The following SMYD3 variants were observed in gnomAD, a reference collection of about 807,000 sequenced individuals.
The protein encoded by SMYD3 is SET and MYND domain containing 3, also known as histone-lysine N-methyltransferase SMYD3.
SMYD3 carries 36 observed loss-of-function variants against 57.7 expected under a neutral mutation model. That is an observed-to-expected ratio of 0.62 (90% CI 0.48 to 0.82). The LOEUF is 0.82. Ranked by LOEUF, SMYD3 falls within the 40% of genes least tolerant of loss-of-function variation. The pLI is 0.00. For synonymous variants in SMYD3, 211 were observed against 195.0 expected (o/e 1.08, Z -0.68); for missense variants, 515 against 538.8 (o/e 0.96, Z 0.44).
intron 1 of SMYD3, among the ~76,000 whole-genome samples, chr1:246,440,635 T>C (rs574622485): frequency 6.6e-6 from 1 of 152,250 alleles, no homozygotes; most frequent in South Asian, 2.1e-4. Context: ...GCATAAAAAC[T>C]ACGTTAAAAT....
chr1:245,791,606 G>C (rs569724450), intron 10 of SMYD3, among the ~76,000 whole-genome samples: 3 of 141,212 alleles, frequency 2.1e-5, no homozygotes, highest in East Asian at 4.6e-4. Flanking sequence ...GGGAGAGGAC[G>C]GGAGAAAGAG....
At chr1:245,960,329 T>C (rs899988868) in intron 5 of SMYD3, among the ~76,000 whole-genome samples, 10 of 152,236 alleles carry the variant, frequency 6.6e-5, no homozygotes, top group African/African-American at 2.2e-4. Flanking sequence ...CACATGGCTT[T>C]GTTATCATTG....
intron 5 of SMYD3, among the ~76,000 whole-genome samples, chr1:246,020,549 G>T (rs1483912353): frequency 1.3e-5 from 2 of 152,180 alleles, no homozygotes; most frequent in Non-Finnish European, 2.9e-5. Flanking sequence ...AAGAAAGGAG[G>T]CTGTTAGAAT....
intron 5 of SMYD3, among the ~76,000 whole-genome samples, chr1:246,053,293 A>G (rs752951425): frequency 3.3e-5 from 5 of 152,180 alleles, no homozygotes; most frequent in Admixed American, 6.5e-5. Flanking sequence ...CACCATTTCA[A>G]TCAAAATAGC....
intron 10 of SMYD3, among the ~76,000 whole-genome samples, chr1:245,849,661 A>G (rs797001207): frequency 6.6e-5 from 10 of 151,226 alleles, no homozygotes; most frequent in Non-Finnish European, 1.5e-4. Context: ...TATATTATTT[A>G]TTTTATTTTG....
intron 5 of SMYD3, among the ~76,000 whole-genome samples, chr1:245,986,437 T>G (rs1483808060): frequency 6.6e-6 from 1 of 152,366 alleles, no homozygotes; most frequent in South Asian, 2.1e-4. Context: ...TGTATGCAAC[T>G]GTGCTGTTAT....
intron 10 of SMYD3, among the ~76,000 whole-genome samples, chr1:245,828,709 A>ATTG (rs1553336124): frequency 1.4e-5 from 2 of 147,050 alleles, no homozygotes; most frequent in African/African-American, 5.0e-5. Context: ...AGTTTTTCTG[A>ATTG]TTTTTTTTTT....
intron 5 of SMYD3, among the ~76,000 whole-genome samples, chr1:246,018,762 T>A (rs926765956): frequency 6.8e-6 from 1 of 147,806 alleles, no homozygotes. Context: ...TGCACCACCA[T>A]GCTGGCTTTT....
chr1:246,363,246 G>A (rs1207249845), intron 1 of SMYD3, among the ~76,000 whole-genome samples: 1 of 151,626 alleles, frequency 6.6e-6, no homozygotes, highest in South Asian at 2.1e-4. Flanking sequence ...GTCCGGGAGG[G>A]AGGTGGGGGT....
At chr1:245,996,391 A>G (rs935724050) in intron 5 of SMYD3, among the ~76,000 whole-genome samples, 2 of 152,206 alleles carry the variant, frequency 1.3e-5, no homozygotes, top group South Asian at 2.1e-4. Context: ...GTTGTGATGA[A>G]TGGACCTTTT....
chr1:245,839,377 G>C (rs1050441809), intron 10 of SMYD3, among the ~76,000 whole-genome samples: 1 of 151,780 alleles, frequency 6.6e-6, no homozygotes, highest in East Asian at 1.9e-4. Context: ...CACCGTGTTA[G>C]CCAGGATGGT....
chr1:246,502,164 G>T (rs1318983701), intron 1 of SMYD3, among the ~76,000 whole-genome samples: 1 of 148,846 alleles, frequency 6.7e-6, no homozygotes, highest in East Asian at 2.0e-4. Context: ...TTTGAGACAG[G>T]GTCTCACTCT....
intron 5 of SMYD3, among the ~76,000 whole-genome samples, chr1:246,078,915 A>G (rs1381459354): frequency 6.6e-6 from 1 of 152,246 alleles, no homozygotes; most frequent in Non-Finnish European, 1.5e-5. Flanking sequence ...CCAGAGATAC[A>G]TCATCAGACA....
At chr1:245,867,528 G>A (rs1484748454) in intron 8 of SMYD3, among the ~76,000 whole-genome samples, 1 of 152,096 alleles carries the variant, frequency 6.6e-6, no homozygotes, top group African/African-American at 2.4e-5. Flanking sequence ...AACACTTACT[G>A]AGTACCTAAC....
intron 10 of SMYD3, among the ~76,000 whole-genome samples, chr1:245,778,792 A>G (rs2046711332): frequency 6.7e-6 from 1 of 149,120 alleles, no homozygotes; most frequent in Admixed American, 6.7e-5. Context: ...ATGACACCAA[A>G]AATATGATTC....
chr1:246,327,882 G>C (rs1229178816), intron 4 of SMYD3, among the ~76,000 whole-genome samples: 1 of 152,172 alleles, frequency 6.6e-6, no homozygotes, highest in Non-Finnish European at 1.5e-5. Context: ...TCAACTTCAA[G>C]TTATCTGAGT....
At chr1:246,063,317 A>G (rs563268911) in intron 5 of SMYD3, among the ~76,000 whole-genome samples, 1 of 152,320 alleles carries the variant, frequency 6.6e-6, no homozygotes, top group South Asian at 2.1e-4. Flanking sequence ...TTAGAGACTC[A>G]GTACCCAGGG....
chr1:246,176,226 C>T (rs2062431516), intron 5 of SMYD3, among the ~76,000 whole-genome samples: 2 of 152,058 alleles, frequency 1.3e-5, no homozygotes, highest in African/African-American at 2.4e-5. Flanking sequence ...TGTGGAGTCC[C>T]AAAATCAGGT....
chr1:246,498,048 T>C (rs544054842), intron 1 of SMYD3, among the ~76,000 whole-genome samples: 2 of 152,256 alleles, frequency 1.3e-5, no homozygotes, highest in South Asian at 2.1e-4. Context: ...CCCATAAGCT[T>C]AGCAAAAATT....
Sources: gnomAD v4.1 joint callset for allele counts (sites outside exome capture counted in the v4.1 genomes callset) on GRCh38, gnomAD v4.1.1 for gene constraint, MANE v1.5 for transcripts, NCBI Gene and HGNC (gene_info 2026-07-23, HGNC 2026-07-21) for gene names.